Variants in HDAC8 observed in about 807,000 individuals in gnomAD.
HDAC8 encodes the protein histone deacetylase-like 1.
A neutral mutation model predicts 32.2 loss-of-function variants in HDAC8; 1 was observed. The observed-to-expected ratio is 0.03, with a 90% CI of 0.01 to 0.15. HDAC8 has a LOEUF of 0.15. Among genes scored for constraint, HDAC8 ranks in the 10% least tolerant of loss-of-function variants. The pLI, the probability that HDAC8 is intolerant of heterozygous loss-of-function variation, is 1.00. For synonymous variants in HDAC8, 108 were observed against 113.9 expected (o/e 0.95, Z 0.33); for missense variants, 117 against 300.0 (o/e 0.39, Z 4.51).
At chrX:72,469,466 C>T (rs185705749) in intron 7 of HDAC8, among the ~76,000 whole-genome samples, 101 of 112,694 alleles carry the variant, frequency 9.0e-4, no homozygotes, top group Middle Eastern at 4.6e-3. Context: ...CTCAGCCTAT[C>T]TTTTGACTTC....
chrX:72,463,200 A>G (rs1364901835), intron 8 of HDAC8, among the ~76,000 whole-genome samples: 9 of 111,789 alleles, frequency 8.1e-5, no homozygotes, highest in African/African-American at 2.9e-4. Context: ...ATCTGACTTT[A>G]TAAGATAGAC....
At chrX:72,456,147 A>C (rs782127308) in intron 9 of HDAC8, among the ~76,000 whole-genome samples, 1 of 112,280 alleles carries the variant, frequency 8.9e-6, no homozygotes, top group East Asian at 2.8e-4. Context: ...GTCTTCTATT[A>C]AGCCAGATGT....
intron 7 of HDAC8, among the ~76,000 whole-genome samples, chrX:72,477,844 C>G (rs1488838049): frequency 8.9e-6 from 1 of 112,364 alleles, no homozygotes; most frequent in Non-Finnish European, 1.9e-5. Context: ...GATCAGTGTC[C>G]TGTTGCTTGA....
At chrX:72,423,911 T>G (rs868984078) in intron 9 of HDAC8, among the ~76,000 whole-genome samples, 5 of 111,975 alleles carry the variant, frequency 4.5e-5, no homozygotes, top group African/African-American at 1.6e-4. Flanking sequence ...CTGAGAAATC[T>G]CTGCTGTTCT....
chrX:72,462,141 A>G (rs2047885460), intron 8 of HDAC8, 43 bp from the exon 9 acceptor site: 1 of 999,054 alleles, frequency 1.0e-6, no homozygotes, highest in Non-Finnish European at 1.4e-6. Flanking sequence ...GAATAGTCAT[A>G]AAACAGCAGG....
At chrX:72,565,607 C>T (rs1171992699) in intron 4 of HDAC8, among the ~76,000 whole-genome samples, 1 of 112,119 alleles carries the variant, frequency 8.9e-6, no homozygotes, top group Non-Finnish European at 1.9e-5. Context: ...GAGTACTCCA[C>T]TGGAAAATGA....
chrX:72,336,727 G>A (rs1245648574), intron 10 of HDAC8, among the ~76,000 whole-genome samples: 3 of 110,338 alleles, frequency 2.7e-5, no homozygotes, highest in Admixed American at 9.7e-5. Flanking sequence ...AAATGGGCTC[G>A]CTTTTGCCCA....
At chrX:72,336,857 C>T (rs1427103772) in intron 10 of HDAC8, among the ~76,000 whole-genome samples, 3 of 110,990 alleles carry the variant, frequency 2.7e-5, no homozygotes, top group African/African-American at 9.8e-5. Flanking sequence ...TCAAGTGATC[C>T]TCCCACCTCA....
chrX:72,467,974 G>A, intron 7 of HDAC8: 2 of 1,191,492 alleles, frequency 1.7e-6, no homozygotes, highest in Non-Finnish European at 2.3e-6. Flanking sequence ...AGCCAGGTAG[G>A]GAAAATGAGT....
intron 10 of HDAC8, among the ~76,000 whole-genome samples, chrX:72,343,479 A>T (rs1286676191): frequency 9.1e-6 from 1 of 109,816 alleles, no homozygotes; most frequent in African/African-American, 3.3e-5. Flanking sequence ...GGCCGAACTC[A>T]AATTTTGTAA....
chrX:72,354,950 T>C (rs781835421), intron 9 of HDAC8, among the ~76,000 whole-genome samples: 10 of 112,121 alleles, frequency 8.9e-5, no homozygotes, highest in Non-Finnish European at 1.5e-4. Flanking sequence ...CAAGAGGCCC[T>C]TGCCTAACCA....
intron 7 of HDAC8, 54 bp from the exon 8 acceptor site, chrX:72,464,785 G>A: frequency 2.3e-6 from 2 of 862,630 alleles, no homozygotes; most frequent in Non-Finnish European, 3.4e-6. Context: ...TAGGGGTAGT[G>A]GTGGTGGTAG....
intron 6 of HDAC8, among the ~76,000 whole-genome samples, chrX:72,490,569 C>A (rs1401500694): frequency 1.2e-5 from 1 of 85,553 alleles, no homozygotes; most frequent in Non-Finnish European, 2.1e-5. Flanking sequence ...CACATGGACA[C>A]AGGAAGGGGA....
At chrX:72,403,866 C>T (rs1555968121) in intron 9 of HDAC8, among the ~76,000 whole-genome samples, 1 of 111,161 alleles carries the variant, frequency 9.0e-6, no homozygotes, top group African/African-American at 3.3e-5. Flanking sequence ...GAGTTCAAGA[C>T]CAGCCTGGAC....
intron 7 of HDAC8, among the ~76,000 whole-genome samples, chrX:72,472,121 G>A (rs1168856054): frequency 5.7e-5 from 6 of 104,718 alleles, no homozygotes; most frequent in Admixed American, 4.1e-4. Context: ...AGGCTGGAGT[G>A]CAGTGGCGGG....
At chrX:72,409,781 C>G (rs1428921312) in intron 9 of HDAC8, among the ~76,000 whole-genome samples, 1 of 112,041 alleles carries the variant, frequency 8.9e-6, no homozygotes, top group Non-Finnish European at 1.9e-5. Flanking sequence ...GTCCCTGTAA[C>G]ACTTCATGCA....
At chrX:72,464,489 C>T (rs1555993055) in intron 8 of HDAC8, 70 bp downstream of exon 8, 1 of 955,190 alleles carries the variant, frequency 1.0e-6, no homozygotes, top group Admixed American at 2.2e-5. Context: ...CCAAGTTTTC[C>T]AAGTTCAGTG....
intron 4 of HDAC8, among the ~76,000 whole-genome samples, chrX:72,515,118 C>T (rs1221227582): frequency 9.0e-6 from 1 of 111,082 alleles, no homozygotes; most frequent in East Asian, 2.8e-4. Context: ...ATTATTATAG[C>T]CACATTGTTG....
chrX:72,556,178 G>A (rs2051276853), intron 4 of HDAC8, among the ~76,000 whole-genome samples: 1 of 111,459 alleles, frequency 9.0e-6, no homozygotes, highest in South Asian at 3.7e-4. Context: ...GGAAAGATAT[G>A]GTCTTTTCCA....
Sources: gnomAD v4.1 joint callset for allele counts (sites outside exome capture counted in the v4.1 genomes callset) on GRCh38, gnomAD v4.1.1 for gene constraint, MANE v1.5 for transcripts, NCBI Gene and HGNC (gene_info 2026-07-23, HGNC 2026-07-21) for gene names.